XRRA1: variants seen among roughly 807,000 people sequenced by gnomAD.
The protein encoded by XRRA1 is X-ray radiation resistance associated 1.
XRRA1 carries 69 observed loss-of-function variants against 80.2 expected under a neutral mutation model. That is an observed-to-expected ratio of 0.86 (90% CI 0.71 to 1.05). The LOEUF is 1.05. Ranked by LOEUF, XRRA1 falls within the 50% of genes least tolerant of loss-of-function variation. The pLI, the probability that XRRA1 is intolerant of heterozygous loss-of-function variation, is 0.00. For missense variants in XRRA1, 967 were observed against 976.4 expected, an observed-to-expected ratio of 0.99 and a Z score of 0.13; for synonymous variants, 348 against 389.9, an observed-to-expected ratio of 0.89 and a Z score of 1.27.
chr11:74,919,764 C>CT, intron 8 of XRRA1: 1 of 451,314 alleles, frequency 2.2e-6, no homozygotes, highest in Non-Finnish European at 4.3e-6. Context: ...GATGGGAACT[C>CT]TAGATGTGCA....
At chr11:74,873,421 A>G (rs1294108421) in intron 10 of XRRA1, among the ~76,000 whole-genome samples, 1 of 152,234 alleles carries the variant, frequency 6.6e-6, no homozygotes, top group East Asian at 1.9e-4. Context: ...TAAATGGTTC[A>G]GTCCTAGATC....
At chr11:74,884,053 G>T (rs1482472312) in intron 10 of XRRA1, among the ~76,000 whole-genome samples, 1 of 152,058 alleles carries the variant, frequency 6.6e-6, no homozygotes, top group African/African-American at 2.4e-5. Context: ...ACAAAAATTA[G>T]CTAGGTGTGT....
At chr11:74,889,829 T>A (rs940970422) in intron 10 of XRRA1, among the ~76,000 whole-genome samples, 10 of 152,134 alleles carry the variant, frequency 6.6e-5, no homozygotes, top group African/African-American at 2.4e-4. Flanking sequence ...GGTAAAGGGA[T>A]CAATTCAACA....
chr11:74,901,770 G>T (rs551204753), intron 10 of XRRA1, among the ~76,000 whole-genome samples: 1 of 151,904 alleles, frequency 6.6e-6, no homozygotes, highest in South Asian at 2.1e-4. Context: ...TCCATCTCTT[G>T]CCTTTTATTT....
At chr11:74,874,013 G>C (rs1360603439) in intron 10 of XRRA1, among the ~76,000 whole-genome samples, 5 of 151,724 alleles carry the variant, frequency 3.3e-5, no homozygotes, top group Non-Finnish European at 7.4e-5. Flanking sequence ...CGAGGTGGGC[G>C]GATCATGAAG....
intron 9 of XRRA1, chr11:74,906,696 G>A: frequency 1.8e-6 from 1 of 560,170 alleles, no homozygotes; most frequent in South Asian, 2.3e-5. Context: ...TAAATGGCCT[G>A]GCACAAAGTA....
intron 10 of XRRA1, among the ~76,000 whole-genome samples, chr11:74,900,993 G>A (rs906976440): frequency 3.3e-5 from 5 of 152,118 alleles, no homozygotes; most frequent in South Asian, 2.1e-4. Flanking sequence ...GATCCAAACC[G>A]GAAGGGAGGA....
At chr11:74,865,682 C>T (rs1384509055) in intron 10 of XRRA1, among the ~76,000 whole-genome samples, 2 of 152,234 alleles carry the variant, frequency 1.3e-5, no homozygotes, top group Non-Finnish European at 2.9e-5. Context: ...ATTCCTACAA[C>T]AGATCCCAAC....
At chr11:74,897,059 T>C (rs2052491100) in intron 10 of XRRA1, among the ~76,000 whole-genome samples, 1 of 152,064 alleles carries the variant, frequency 6.6e-6, no homozygotes, top group Non-Finnish European at 1.5e-5. Flanking sequence ...GAAACAGAGA[T>C]GTATGACCTT....
chr11:74,868,825 CAG>C (rs1329231586), intron 10 of XRRA1, among the ~76,000 whole-genome samples: 1 of 151,546 alleles, frequency 6.6e-6, no homozygotes, highest in Non-Finnish European at 1.5e-5. Context: ...ATGCATCCAA[CAG>C]AGGAGACCCA....
chr11:74,906,690 T>C, intron 9 of XRRA1: 3 of 569,140 alleles, frequency 5.3e-6, no homozygotes, highest in Non-Finnish European at 9.3e-6. Context: ...AATATGTAAA[T>C]GGCCTGGCAC....
chr11:74,926,495 T>C (rs1210367164), intron 7 of XRRA1, among the ~76,000 whole-genome samples: 1 of 152,220 alleles, frequency 6.6e-6, no homozygotes, highest in Non-Finnish European at 1.5e-5. Context: ...TACTCCAGGA[T>C]GTGGAGAAGA....
chr11:74,897,706 T>TAAAAAAAAAAAA (rs61193896), intron 10 of XRRA1, among the ~76,000 whole-genome samples: 1 of 84,438 alleles, frequency 1.2e-5, no homozygotes, highest in Non-Finnish European at 2.3e-5. Flanking sequence ...TTTAAACTGC[T>TAAAAAAAAAAAA]AAAAAAAAAA....
At chr11:74,901,151 C>A (rs1252559873) in intron 10 of XRRA1, among the ~76,000 whole-genome samples, 1 of 152,068 alleles carries the variant, frequency 6.6e-6, no homozygotes. Flanking sequence ...TTTCTATATG[C>A]CAACAGTGAA....
At chr11:74,872,840 A>G (rs1256822724) in intron 10 of XRRA1, among the ~76,000 whole-genome samples, 1 of 152,162 alleles carries the variant, frequency 6.6e-6, no homozygotes, top group Admixed American at 6.5e-5. Flanking sequence ...TGGAACCAGC[A>G]TCCCTCTTCT....
chr11:74,883,174 G>A lies in XRRA1; in HGVS notation c.1004-20153C>T, dbSNP rs185120492. On this transcript the variant is annotated intron_variant, in intron 10 of 18. Transcript: ENST00000684022. ...TAGCAATCTGTGAGACTCCGTGGGC[G>A]TAGGACCCTCCGAGCCAGGTGCAGG... Among the ~76,000 whole-genome samples, 32 of 152,312 alleles carry A rather than the reference G, an allele frequency of 2.1e-4. No individual in the cohort carries two copies. The East Asian group carries it at 5.6e-3, about 27-fold the overall frequency.
chr11:74,866,145 C>G (rs1441173910), intron 10 of XRRA1, among the ~76,000 whole-genome samples: 1 of 152,204 alleles, frequency 6.6e-6, no homozygotes, highest in African/African-American at 2.4e-5. Flanking sequence ...CGTCACCAAA[C>G]AGACAAAATA....
intron 11 of XRRA1, 51 bp from the exon 12 acceptor site, chr11:74,859,334 C>T (rs984544309): frequency 1.9e-6 from 3 of 1,552,580 alleles, no homozygotes; most frequent in African/African-American, 1.4e-5. Context: ...TAAATAAGGC[C>T]ACTAAGGGCC....
At position 74,862,872 on chromosome 11, in the gene XRRA1, A is replaced by T. The variant is rs898413249; in HGVS notation, c.1044+109T>A. The T allele has an allele frequency of 1.0e-5, 10 of 985,168 alleles. No homozygotes were observed. The Admixed American group carries it at 2.6e-4, about 26-fold the overall frequency. The allele number at this position is 985,168 out of a possible 1,614,324, so 61.0% of individuals were successfully genotyped here. A position where few individuals can be genotyped will look rare whatever the true frequency, so the allele number is the denominator to read the frequency against. On this transcript the variant is annotated intron_variant, in intron 11 of 18. Transcript: ENST00000684022. ...ACCTATTCAATGAATGGGCTTCCTC[A>T]GTGTGATCTATAGAAATGACTCTCA... is the stretch of plus-strand genomic sequence containing the variant.
Sources: allele counts gnomAD v4.1 joint callset (sites outside exome capture counted in the v4.1 genomes callset), GRCh38; gene constraint gnomAD v4.1.1; transcripts MANE v1.5; gene names NCBI Gene and HGNC (gene_info 2026-07-23, HGNC 2026-07-21).